The following ROBO1 variants were observed in gnomAD, a reference collection of about 807,000 sequenced individuals.
ROBO1 encodes roundabout homolog 1.
Under a neutral mutation model 195.9 loss-of-function variants are expected in ROBO1, and 149 were observed. That is an observed-to-expected ratio of 0.76 (90% confidence interval 0.67 to 0.87). The LOEUF (loss-of-function observed/expected upper bound fraction) is 0.87, where lower values mean the gene tolerates loss of function less well. Among genes scored for constraint, ROBO1 ranks in the 40% least tolerant of loss-of-function variants. ROBO1 has a pLI of 0.00. For synonymous variants in ROBO1, 816 were observed against 733.2 expected (o/e 1.11, Z -1.82); for missense variants, 1,933 against 2,068.3 (o/e 0.93, Z 1.27).
intron 3 of ROBO1, among the ~76,000 whole-genome samples, chr3:78,951,303 A>G (rs2040771819): frequency 6.6e-6 from 1 of 151,962 alleles, no homozygotes; most frequent in Admixed American, 6.6e-5. Flanking sequence ...CATATATATA[A>G]TATTCGACTC....
intron 4 of ROBO1, among the ~76,000 whole-genome samples, chr3:78,815,522 T>C (rs889845780): frequency 6.6e-6 from 1 of 152,102 alleles, no homozygotes; most frequent in African/African-American, 2.4e-5. Context: ...TCTCCCATTC[T>C]ATGAAGGTTG....
chr3:79,410,844 A>G (rs542130470), intron 2 of ROBO1, among the ~76,000 whole-genome samples: 79 of 152,268 alleles, frequency 5.2e-4, no homozygotes, highest in Admixed American at 2.2e-3. Context: ...TCTCTCCACC[A>G]CAGCTTTCCA....
chr3:79,205,102 G>A (rs1471749347), intron 2 of ROBO1, among the ~76,000 whole-genome samples: 4 of 151,794 alleles, frequency 2.6e-5, no homozygotes, highest in Non-Finnish European at 5.9e-5. Flanking sequence ...AAGCTATTTT[G>A]GCGCAGCAGC....
At chr3:79,477,722 T>C (rs6809924) in intron 2 of ROBO1, among the ~76,000 whole-genome samples, 72,370 of 151,920 alleles carry the variant, frequency 0.48, 17,300 homozygotes, top group Non-Finnish European at 0.5. Flanking sequence ...AAATACATAA[T>C]ATTAAGATCT....
At chr3:79,050,918 A>C (rs763041472) in intron 3 of ROBO1, among the ~76,000 whole-genome samples, 1 of 152,182 alleles carries the variant, frequency 6.6e-6, no homozygotes, top group Non-Finnish European at 1.5e-5. Flanking sequence ...CAGCGTGTAG[A>C]GGGAAATTTA....
intron 2 of ROBO1, among the ~76,000 whole-genome samples, chr3:79,203,022 A>G (rs1050179512): frequency 1.4e-5 from 2 of 144,194 alleles, no homozygotes; most frequent in Non-Finnish European, 3.0e-5. Flanking sequence ...CCTCGAGGGG[A>G]AAAAAAAATA....
intron 2 of ROBO1, among the ~76,000 whole-genome samples, chr3:79,201,597 C>T (rs955120631): frequency 2.0e-5 from 3 of 151,874 alleles, no homozygotes; most frequent in African/African-American, 7.2e-5. Flanking sequence ...TTCTCTGAAC[C>T]ACATCTGGGG....
intron 2 of ROBO1, among the ~76,000 whole-genome samples, chr3:79,254,440 G>C (rs912646311): frequency 3.3e-5 from 5 of 151,626 alleles, no homozygotes; most frequent in African/African-American, 1.2e-4. Context: ...TTCCGCTAGA[G>C]AAAGGAAGCT....
At chr3:79,301,548 G>A (rs753124937) in intron 2 of ROBO1, among the ~76,000 whole-genome samples, 1 of 152,148 alleles carries the variant, frequency 6.6e-6, no homozygotes, top group South Asian at 2.1e-4. Context: ...CTCTGTAGGA[G>A]TCTTATTGTG....
At chr3:79,743,834 C>G (rs918604261) in intron 1 of ROBO1, among the ~76,000 whole-genome samples, 3 of 152,152 alleles carry the variant, frequency 2.0e-5, no homozygotes, top group Non-Finnish European at 4.4e-5. Flanking sequence ...TGCCTTCCAC[C>G]TCCACATCTT....
chr3:78,678,352 C>CA (rs1287045108), intron 10 of ROBO1, among the ~76,000 whole-genome samples: 3 of 151,828 alleles, frequency 2.0e-5, no homozygotes, highest in Non-Finnish European at 2.9e-5. Context: ...AATAGAGACA[C>CA]AAAAAACCCT....
intron 2 of ROBO1, among the ~76,000 whole-genome samples, chr3:79,296,764 A>G (rs2032617217): frequency 6.6e-6 from 1 of 152,216 alleles, no homozygotes; most frequent in African/African-American, 2.4e-5. Context: ...AAAAGAACTC[A>G]GAAACCCGTG....
At chr3:79,214,828 T>TATA (rs1316521600) in intron 2 of ROBO1, among the ~76,000 whole-genome samples, 71 of 114,956 alleles carry the variant, frequency 6.2e-4, no homozygotes, top group African/African-American at 2.5e-3. Context: ...ATATATATAT[T>TATA]TTTTTTTTTT....
At chr3:79,196,540 A>G (rs1423477480) in intron 2 of ROBO1, among the ~76,000 whole-genome samples, 1 of 151,816 alleles carries the variant, frequency 6.6e-6, no homozygotes, top group Non-Finnish European at 1.5e-5. Flanking sequence ...AAGACTTGCT[A>G]GTGAGTTAAC....
At chr3:79,507,635 T>C (rs1349795048) in intron 2 of ROBO1, among the ~76,000 whole-genome samples, 1 of 152,228 alleles carries the variant, frequency 6.6e-6, no homozygotes, top group East Asian at 1.9e-4. Flanking sequence ...CAAGTCTGTG[T>C]ATATCCACAT....
intron 2 of ROBO1, among the ~76,000 whole-genome samples, chr3:79,555,923 T>C (rs961692742): frequency 6.6e-6 from 1 of 152,138 alleles, no homozygotes; most frequent in African/African-American, 2.4e-5. Flanking sequence ...GCATATCCAG[T>C]GGAGTGTGCC....
rs374214511 is a variant in ROBO1, at chr3:79,286,374, G to A, written c.89-160835C>T. On this transcript the variant is annotated intron_variant, in intron 2 of 30. Transcript: ENST00000464233. Reference sequence around the variant, plus strand: ...ATATCTCCCAATAACACCATCTTTCGAATGTCCAATCATCCAATTGTTCAC... The same window carrying A: ...ATATCTCCCAATAACACCATCTTTCAAATGTCCAATCATCCAATTGTTCAC... Among the ~76,000 whole-genome samples, 6 of 152,176 alleles carry A rather than the reference G, an allele frequency of 3.9e-5. No homozygotes were observed. The East Asian group carries it at 7.7e-4, about 20-fold the overall frequency.
intron 2 of ROBO1, among the ~76,000 whole-genome samples, chr3:79,140,594 A>G (rs2080505089): frequency 6.6e-6 from 1 of 152,130 alleles, no homozygotes; most frequent in East Asian, 1.9e-4. Flanking sequence ...TATTATTATA[A>G]TTAATTCAAA....
At chr3:78,854,123 G>T (rs1000797912) in intron 4 of ROBO1, among the ~76,000 whole-genome samples, 1 of 151,690 alleles carries the variant, frequency 6.6e-6, no homozygotes, top group African/African-American at 2.4e-5. Flanking sequence ...GATTCAAGAC[G>T]GCAATATCCA....
Sources: allele counts gnomAD v4.1 joint callset (sites outside exome capture counted in the v4.1 genomes callset), GRCh38; gene constraint gnomAD v4.1.1; transcripts MANE v1.5; gene names NCBI Gene and HGNC (gene_info 2026-07-23, HGNC 2026-07-21).